The following CCDC33 variants were observed in gnomAD, a reference collection of about 807,000 sequenced individuals.
CCDC33 encodes coiled-coil domain containing 33, also known as coiled-coil domain-containing protein 33.
Under a neutral mutation model 91.9 loss-of-function variants are expected in CCDC33, and 94 were observed. The ratio of observed to expected loss-of-function variants is 1.02; its 90% CI spans 0.87 to 1.21. The LOEUF (loss-of-function observed/expected upper bound fraction) is 1.21. CCDC33 is among the 50% of genes most tolerant of loss of function. CCDC33 has a pLI of 0.00. For synonymous variants in CCDC33, 396 were observed against 374.5 expected (o/e 1.06, Z -0.66); for missense variants, 940 against 935.5 (o/e 1.00, Z -0.06).
chr15:74,249,552 T>C (rs900291344), intron 2 of CCDC33, among the ~76,000 whole-genome samples: 1 of 151,962 alleles, frequency 6.6e-6, no homozygotes. Context: ...TTGCAGTGCA[T>C]TGTGGGCTGC....
intron 4 of CCDC33, among the ~76,000 whole-genome samples, chr15:74,267,215 G>A (rs563007914): frequency 6.6e-5 from 10 of 152,302 alleles, no homozygotes; most frequent in African/African-American, 2.4e-4. Flanking sequence ...ACTGGGACCT[G>A]GGGAGAAAAA....
At chr15:74,243,583 CAG>C (rs1331636585) in intron 1 of CCDC33, 2 of 454,224 alleles carry the variant, frequency 4.4e-6, no homozygotes, top group Non-Finnish European at 8.8e-6. Flanking sequence ...GGAAGGGTGA[CAG>C]AGGGAGGCAG....
At chr15:74,330,466 T>C (rs901160083) in intron 12 of CCDC33, 112 bp downstream of exon 12, 2 of 1,288,078 alleles carry the variant, frequency 1.6e-6, no homozygotes, top group Non-Finnish European at 2.1e-6. Flanking sequence ...TGCTGGACTC[T>C]GGCAAATAGG....
Position 74,228,463 on chromosome 15 carries a change from G to A in CCDC33, c.675+9602G>A, listed in dbSNP as rs1161206904. Among the ~76,000 whole-genome samples, 4 of 152,258 alleles carry A rather than the reference G, an allele frequency of 2.6e-5. No individual in the cohort carries two copies. The South Asian group carries it at 6.2e-4, about 24-fold the overall frequency. Reference sequence around the variant, plus strand: ...CGCCGAGTGAATGGCAGCTTGCCAGGTAGGCAAGGGTTGGACGGAAAAGCT... The same window carrying A: ...CGCCGAGTGAATGGCAGCTTGCCAGATAGGCAAGGGTTGGACGGAAAAGCT... On this transcript the variant is annotated intron_variant, in intron 2 of 2. Coordinates refer to the CCDC33 transcript ENST00000635913.
At chr15:74,301,042 A>G (rs538218419) in intron 11 of CCDC33, 1 of 152,320 alleles carries the variant, frequency 6.6e-6, no homozygotes, top group South Asian at 2.1e-4. Context: ...AGGAAGCCTT[A>G]TCTCCCGTCT....
chr15:74,215,427 A>G (rs1042934549), upstream of CCDC33, among the ~76,000 whole-genome samples: 1 of 152,178 alleles, frequency 6.6e-6, no homozygotes, highest in Non-Finnish European at 1.5e-5. Flanking sequence ...GTTTTGCAAG[A>G]TGAAAAGAGT....
chr15:74,316,257 G>A lies in CCDC33; in HGVS notation c.1291-13932G>A, dbSNP rs1185404248. ...AGCAGCCCACACTTGTTCTATGTCCGGTGATGGGTCCCTGAGGGTCCGCTG... is the reference window on the plus strand; with the variant it reads ...AGCAGCCCACACTTGTTCTATGTCCAGTGATGGGTCCCTGAGGGTCCGCTG... On this transcript the variant is annotated intron_variant, in intron 11 of 18. Coordinates refer to ENST00000398814, the MANE Select transcript of CCDC33 (RefSeq NM_025055.5). The surrounding 1 kb of genome is among the most constrained non-coding windows in gnomAD (Gnocchi z 4.7). 2.0e-5 allele frequency among the ~76,000 whole-genome samples: 3 copies of A among 152,198 alleles called. No homozygotes were observed. Among genetic ancestry groups the A allele is most frequent in the African/African-American group, 2.4e-5 (1 of 41,448 alleles).
chr15:74,231,671 G>A (rs183554468), upstream of CCDC33, among the ~76,000 whole-genome samples: 240 of 152,310 alleles, frequency 1.6e-3, no homozygotes, highest in Non-Finnish European at 2.9e-3. Flanking sequence ...CCTCAAAGCC[G>A]TGTGACCTTG....
intron 2 of CCDC33, chr15:74,209,545 T>G: frequency 4.8e-6 from 5 of 1,038,978 alleles, no homozygotes; most frequent in East Asian, 2.7e-5. Flanking sequence ...GTATGATCTA[T>G]TCCCAGGGGA....
intron 10 of CCDC33, among the ~76,000 whole-genome samples, chr15:74,290,246 C>T (rs1456662154): frequency 6.6e-5 from 10 of 150,698 alleles, no homozygotes; most frequent in South Asian, 2.1e-4. Context: ...AGCATGATCT[C>T]GGCTCACTTC....
intron 11 of CCDC33, chr15:74,311,806 G>C (rs2059998610): frequency 6.6e-6 from 1 of 152,208 alleles, no homozygotes; most frequent in South Asian, 2.1e-4. Flanking sequence ...AGGAAAGGGA[G>C]TTTGGTCATT....
rs147303434 is a variant in CCDC33, at chr15:74,251,218, C to T, written c.185+7070C>T. The stretch of plus-strand genomic sequence containing the variant: ...AAACAAGAACCCCAGCTCTGCCACC[C>T]GAGACAGATTCTGTGCCCAGGTCTA... On this transcript the variant is annotated intron_variant, in intron 2 of 18. Transcript: ENST00000398814. 5.5e-3 allele frequency among the ~76,000 whole-genome samples: 841 copies of T among 152,360 alleles called. 2 individuals are homozygous for T. The highest frequency in any genetic ancestry group is 8.2e-3 in the Non-Finnish European group (557 of 68,036).
At chr15:74,314,755 C>T (rs2060058599) in intron 11 of CCDC33, among the ~76,000 whole-genome samples, 1 of 152,212 alleles carries the variant, frequency 6.6e-6, no homozygotes, top group East Asian at 1.9e-4. Context: ...GCATTCCTGC[C>T]AGGAGAGAGT....
At chr15:74,302,356 G>A (rs1010167127) in intron 11 of CCDC33, 9 of 152,234 alleles carry the variant, frequency 5.9e-5, no homozygotes, top group African/African-American at 2.2e-4. Flanking sequence ...GTGTGCCAGA[G>A]GTGGGCTCGG....
At chr15:74,219,262 C>T (rs904918265) in intron 2 of CCDC33, among the ~76,000 whole-genome samples, 12 of 152,224 alleles carry the variant, frequency 7.9e-5, no homozygotes, top group Admixed American at 5.2e-4. Context: ...AGGAGGGGCT[C>T]AACCCCAACC....
chr15:74,291,090 C>T (rs1399655895), intron 10 of CCDC33, among the ~76,000 whole-genome samples: 2 of 152,216 alleles, frequency 1.3e-5, no homozygotes, highest in African/African-American at 4.8e-5. Flanking sequence ...AATCATGGCC[C>T]CACCAAGGAT....
At chr15:74,286,792 C>T (rs1202841098) in intron 10 of CCDC33, among the ~76,000 whole-genome samples, 1 of 152,170 alleles carries the variant, frequency 6.6e-6, no homozygotes, top group Non-Finnish European at 1.5e-5. Flanking sequence ...CGTGAAACCC[C>T]CTGGCTTCCT....
intron 1 of CCDC33, chr15:74,203,225 A>G: frequency 1.0e-5 from 10 of 985,094 alleles, no homozygotes; most frequent in Non-Finnish European, 1.1e-5. Context: ...TGTTCCTACA[A>G]GTTGATTTCA....
chr15:74,270,820 C>T (rs915096460), intron 5 of CCDC33, among the ~76,000 whole-genome samples: 23 of 152,240 alleles, frequency 1.5e-4, no homozygotes, highest in African/African-American at 4.8e-4. Flanking sequence ...AGCAAGGTGA[C>T]GCTGTCCACT....
Sources: gnomAD v4.1 joint callset for allele counts (sites outside exome capture counted in the v4.1 genomes callset) on GRCh38, gnomAD v4.1.1 for gene constraint, Gnocchi (gnomAD v3.1) non-coding constraint, MANE v1.5 for transcripts, NCBI Gene and HGNC (gene_info 2026-07-23, HGNC 2026-07-21) for gene names.